The following TRPS1 variants were observed in gnomAD, a reference collection of about 807,000 sequenced individuals.
TRPS1 encodes zinc finger transcription factor Trps1.
TRPS1 carries 6 observed loss-of-function variants against 101.2 expected under a neutral mutation model. The observed-to-expected ratio is 0.06, with a 90% CI of 0.03 to 0.12. The LOEUF (loss-of-function observed/expected upper bound fraction) is 0.12. TRPS1 is among the 10% of genes least tolerant of loss of function. TRPS1 has a pLI of 1.00. For synonymous variants in TRPS1, 578 were observed against 589.8 expected (o/e 0.98, Z 0.29); for missense variants, 1,363 against 1,567.0 (o/e 0.87, Z 2.20).
At position 115,568,942 on chromosome 8, in the gene TRPS1, T is replaced by C. The variant is rs532410905; in HGVS notation, c.2700+18059A>G. Among the ~76,000 whole-genome samples, 21 of 152,230 alleles carry C rather than the reference T, an allele frequency of 1.4e-4. No individual in the cohort carries two copies. The East Asian group carries it at 4.0e-3, about 29-fold the overall frequency. ...TCTATTTAAATCCATATGTCTTCCA[T>C]AGGCATCATACAAATACTGAATTAA... On this transcript the variant is annotated intron_variant, in intron 5 of 6. Coordinates refer to ENST00000395715, the MANE Select transcript of TRPS1 (RefSeq NM_014112.5).
intron 3 of TRPS1, among the ~76,000 whole-genome samples, chr8:115,606,807 CA>C (rs72238288): frequency 1.8e-3 from 216 of 123,418 alleles, no homozygotes; most frequent in Middle Eastern, 9.0e-3. Flanking sequence ...GTTCATTTGC[CA>C]AAAAAAAAAA....
At chr8:115,439,040 C>T (rs185445286) in intron 5 of TRPS1, among the ~76,000 whole-genome samples, 29 of 152,218 alleles carry the variant, frequency 1.9e-4, no homozygotes, top group East Asian at 1.5e-3. Flanking sequence ...GGGGTAGTGG[C>T]GGTAATTCTT....
intron 5 of TRPS1, among the ~76,000 whole-genome samples, chr8:115,513,933 T>G (rs1459998810): frequency 6.6e-6 from 1 of 151,650 alleles, no homozygotes; most frequent in African/African-American, 2.4e-5. Flanking sequence ...AGAGTCAGAT[T>G]ATGGTACACA....
intron 5 of TRPS1, among the ~76,000 whole-genome samples, chr8:115,493,657 A>G (rs1586329936): frequency 6.6e-6 from 1 of 152,256 alleles, no homozygotes; most frequent in East Asian, 1.9e-4. Flanking sequence ...CCTATAAAGC[A>G]TTTTTTAAAA....
intron 5 of TRPS1, among the ~76,000 whole-genome samples, chr8:115,498,415 C>CTATATATATATATATATA (rs67505193): frequency 5.1e-5 from 2 of 39,298 alleles, no homozygotes; most frequent in South Asian, 1.2e-3. Context: ...CTCTCTCTCT[C>CTATATATATATATATATA]TATATATATA....
chr8:115,521,195 C>T (rs1475796288), intron 5 of TRPS1, among the ~76,000 whole-genome samples: 2 of 151,676 alleles, frequency 1.3e-5, no homozygotes, highest in Non-Finnish European at 2.9e-5. Context: ...GGTTCTTCTT[C>T]TGGTGTGCAC....
At chr8:115,606,058 A>G (rs1311350656) in intron 3 of TRPS1, among the ~76,000 whole-genome samples, 2 of 152,202 alleles carry the variant, frequency 1.3e-5, no homozygotes, top group Non-Finnish European at 2.9e-5. Flanking sequence ...ACCAGATGTA[A>G]TATATTAAGC....
At chr8:115,662,967 T>C (rs1004594251) in intron 1 of TRPS1, among the ~76,000 whole-genome samples, 5 of 152,104 alleles carry the variant, frequency 3.3e-5, no homozygotes, top group East Asian at 1.9e-4. Context: ...CCTGTGGCCA[T>C]TGATAACCTT....
chr8:115,493,098 C>T (rs1563550173), intron 5 of TRPS1, among the ~76,000 whole-genome samples: 2 of 152,118 alleles, frequency 1.3e-5, no homozygotes, highest in Non-Finnish European at 2.9e-5. Flanking sequence ...TCTTGAAGCG[C>T]ATTAGGCCTG....
chr8:115,443,619 T>C (rs1246214393), intron 5 of TRPS1, among the ~76,000 whole-genome samples: 1 of 152,240 alleles, frequency 6.6e-6, no homozygotes, highest in East Asian at 1.9e-4. Flanking sequence ...ACTAGCCATG[T>C]GACCTTGGGC....
intron 5 of TRPS1, among the ~76,000 whole-genome samples, chr8:115,562,912 G>GTGTGTGTA (rs1400966425): frequency 1.3e-5 from 2 of 151,276 alleles, no homozygotes; most frequent in East Asian, 3.9e-4. Flanking sequence ...GTGTGTGTGT[G>GTGTGTGTA]TGTGTGTGTG....
intron 4 of TRPS1, among the ~76,000 whole-genome samples, chr8:115,589,299 T>C (rs1817632965): frequency 6.6e-6 from 1 of 152,186 alleles, no homozygotes; most frequent in East Asian, 1.9e-4. Context: ...CTCAAATGCA[T>C]GTTTTAATTA....
intron 5 of TRPS1, among the ~76,000 whole-genome samples, chr8:115,486,924 CAATA>C (rs1434396749): frequency 6.6e-6 from 1 of 152,138 alleles, no homozygotes; most frequent in Non-Finnish European, 1.5e-5. Context: ...AAGATAGCTG[CAATA>C]AACAATAGAT....
chr8:115,478,558 C>T, intron 5 of TRPS1, among the ~76,000 whole-genome samples: 1 of 151,978 alleles, frequency 6.6e-6, no homozygotes, highest in East Asian at 1.9e-4. Flanking sequence ...AATCCCAGCA[C>T]TTTGGGAGGT....
intron 5 of TRPS1, among the ~76,000 whole-genome samples, chr8:115,501,242 A>G (rs982721500): frequency 2.0e-5 from 3 of 152,146 alleles, no homozygotes; most frequent in Non-Finnish European, 4.4e-5. Context: ...TTATTCATTC[A>G]CTAAACACCT....
chr8:115,417,233 G>C (rs1223723154), intron 6 of TRPS1, among the ~76,000 whole-genome samples: 2 of 151,872 alleles, frequency 1.3e-5, no homozygotes, highest in Non-Finnish European at 2.9e-5. Flanking sequence ...AAATGGTGAA[G>C]GTTAAAAAAA....
At chr8:115,462,916 T>G (rs557853499) in intron 5 of TRPS1, among the ~76,000 whole-genome samples, 1 of 152,224 alleles carries the variant, frequency 6.6e-6, no homozygotes, top group South Asian at 2.1e-4. Context: ...AGGCATACAT[T>G]AAACTCATAA....
chr8:115,614,120 A>G (rs186961416), intron 3 of TRPS1, among the ~76,000 whole-genome samples: 219 of 152,258 alleles, frequency 1.4e-3, no homozygotes, highest in Non-Finnish European at 2.7e-3. Context: ...CTGTGTTTCT[A>G]ACAGCTGCAC....
chr8:115,559,661 G>A (rs538617805), intron 5 of TRPS1, among the ~76,000 whole-genome samples: 1 of 152,216 alleles, frequency 6.6e-6, no homozygotes, highest in South Asian at 2.1e-4. Flanking sequence ...GATGCCATAT[G>A]AGAAAATCAT....
Sources: gnomAD v4.1 joint callset for allele counts (sites outside exome capture counted in the v4.1 genomes callset) on GRCh38, gnomAD v4.1.1 for gene constraint, MANE v1.5 for transcripts, NCBI Gene and HGNC (gene_info 2026-07-23, HGNC 2026-07-21) for gene names.